The following POMT2 variants were observed in gnomAD, a reference collection of about 807,000 sequenced individuals.
POMT2 encodes the protein protein O-mannosyltransferase 2.
POMT2 carries 75 observed loss-of-function variants against 100.0 expected under a neutral mutation model. That is an observed-to-expected ratio of 0.75 (90% CI 0.62 to 0.91). POMT2 has a LOEUF of 0.91. POMT2 is among the 40% of genes least tolerant of loss of function. The pLI, the probability that POMT2 is intolerant of heterozygous loss-of-function variation, is 0.00. For synonymous variants in POMT2, 378 were observed against 374.1 expected, an observed-to-expected ratio of 1.01 and a Z score of -0.12; for missense variants, 940 against 955.1, an observed-to-expected ratio of 0.98 and a Z score of 0.21.
At chr14:77,310,188 A>C (rs1361530557) in intron 2 of POMT2, among the ~76,000 whole-genome samples, 2 of 152,210 alleles carry the variant, frequency 1.3e-5, no homozygotes, top group African/African-American at 4.8e-5. Flanking sequence ...TGGTAGTAAC[A>C]GATGTAGTCT....
At chr14:77,299,161 A>G (rs1473238064) in intron 7 of POMT2, among the ~76,000 whole-genome samples, 1 of 152,226 alleles carries the variant, frequency 6.6e-6, no homozygotes, top group Non-Finnish European at 1.5e-5. Context: ...ACTCACTCCT[A>G]CTGCACATCT....
At chr14:77,298,958 G>A (rs541006165) in intron 7 of POMT2, among the ~76,000 whole-genome samples, 187 bp from the exon 8 acceptor site, 12 of 152,352 alleles carry the variant, frequency 7.9e-5, no homozygotes, top group Middle Eastern at 6.8e-3. Context: ...CTAGCTGTGC[G>A]ACCTTGGGCA....
chr14:77,320,794 C>A lies in POMT2; in HGVS notation c.-113G>T. The A allele has an allele frequency of 6.9e-7, 1 of 1,455,634 alleles. No individual in the cohort carries two copies. The highest frequency in any genetic ancestry group is 2.6e-5 in the East Asian group (1 of 38,220). 90.2% of individuals were successfully genotyped at this position (1,455,634 alleles called of 1,614,324 possible). A position where few individuals can be genotyped will look rare whatever the true frequency, so the allele number is the denominator to read the frequency against. ...GGGGTACCCCGGGAAATGCAACGCC[C>A]TTCACTGCAGCGGAGCGCGGGGCCC... On this transcript the variant is annotated 5_prime_UTR_variant, in exon 1 of 21. The change creates a new upstream start codon in the 5' untranslated region. Coordinates refer to ENST00000261534, the MANE Select transcript of POMT2 (RefSeq NM_013382.7).
chr14:77,294,588 C>T (rs1244131032), intron 9 of POMT2, among the ~76,000 whole-genome samples: 7 of 152,120 alleles, frequency 4.6e-5, no homozygotes, highest in African/African-American at 7.2e-5. Flanking sequence ...CATAAGCCAC[C>T]GCACCTGGCC....
intron 5 of POMT2, among the ~76,000 whole-genome samples, chr14:77,302,074 G>A (rs1418785395): frequency 2.0e-5 from 3 of 152,334 alleles, no homozygotes; most frequent in South Asian, 2.1e-4. Context: ...AGAGTGGGCT[G>A]AGAGTCACTG....
intron 18 of POMT2, chr14:77,279,347 A>G (rs1239658181): frequency 2.7e-6 from 1 of 366,950 alleles, no homozygotes; most frequent in South Asian, 2.1e-5. Context: ...TCTGGCAGCC[A>G]AAGTTACCAA....
At chr14:77,278,959 G>A in intron 18 of POMT2, 90 bp from the exon 19 acceptor site, 1 of 1,473,844 alleles carries the variant, frequency 6.8e-7, no homozygotes, top group Non-Finnish European at 9.3e-7. Flanking sequence ...CTTGCTGTGT[G>A]ACCTTGAATA....
At chr14:77,280,148 G>A (rs555710180) in intron 16 of POMT2, 68 bp from the exon 17 acceptor site, 1 of 1,611,490 alleles carries the variant, frequency 6.2e-7, no homozygotes, top group East Asian at 2.2e-5. Flanking sequence ...TTAGGGGGAG[G>A]AAGATGGTCA....
intron 1 of POMT2, among the ~76,000 whole-genome samples, chr14:77,319,196 C>T (rs562162817): frequency 6.6e-6 from 1 of 152,260 alleles, no homozygotes; most frequent in South Asian, 2.1e-4. Context: ...AAATAAGATT[C>T]CTCGGTGCCC....
intron 15 of POMT2, among the ~76,000 whole-genome samples, chr14:77,282,447 C>G (rs1890270047): frequency 6.6e-6 from 1 of 152,210 alleles, no homozygotes. Flanking sequence ...GTTTTCATCT[C>G]TCTCCCCTCC....
intron 1 of POMT2, among the ~76,000 whole-genome samples, chr14:77,316,214 T>C (rs968941299): frequency 1.3e-5 from 2 of 152,146 alleles, no homozygotes; most frequent in Non-Finnish European, 2.9e-5. Context: ...GGCCTAGTAT[T>C]CCCACTTTGG....
At chr14:77,299,164 G>A (rs1023008368) in intron 7 of POMT2, among the ~76,000 whole-genome samples, 1 of 152,200 alleles carries the variant, frequency 6.6e-6, no homozygotes, top group African/African-American at 2.4e-5. Flanking sequence ...CACTCCTACT[G>A]CACATCTTAT....
Position 77,278,834 on chromosome 14 carries a change from C to T in POMT2, c.1927G>A (p.Val643Ile). The change falls in exon 19 of 21, where the codon GTC becomes ATC. Residue 643 changes from valine to isoleucine, a missense_variant. Coordinates refer to ENST00000261534, the MANE Select transcript of POMT2 (RefSeq NM_013382.7). ...TAATGGAGTGTCCAGCCGAGCAGGA[C>T]CTGGCCGCCTCCTCGAAGCAGGACC... Reference protein sequence around the residue: ...SQVLLRGGGQVLLGWTLHYFP... With the variant: ...SQVLLRGGGQILLGWTLHYFP... 1 of 1,613,538 alleles carries T rather than the reference C, an allele frequency of 6.2e-7. No homozygotes were observed. Among genetic ancestry groups the T allele is most frequent in the Non-Finnish European group, 8.5e-7 (1 of 1,179,822 alleles).
chr14:77,301,227 AC>A lies in POMT2; in HGVS notation c.678del (p.Trp226CysfsTer6), dbSNP rs755660222. On this transcript the variant is annotated frameshift_variant, in exon 6 of 21. Transcript: ENST00000261534. LOFTEE classifies it high-confidence loss of function. The part of the protein sequence containing the change: ...CADRPFSAPW[W>X]FWLSLTGVSL... ...CTAACGCCAGTCAGGCTGAGCCAGA[AC>A]CACCAGGGGGCAGAGAAGGGCCTGA... 1.2e-5 allele frequency: 19 copies of A among 1,614,174 alleles called. No homozygotes were observed. Among genetic ancestry groups the A allele is most frequent in the Non-Finnish European group, 1.5e-5 (18 of 1,180,028 alleles).
chr14:77,296,745 T>C (rs1303559230), intron 8 of POMT2, among the ~76,000 whole-genome samples: 1 of 152,198 alleles, frequency 6.6e-6, no homozygotes, highest in Admixed American at 6.5e-5. Context: ...TTACTCTGAA[T>C]TAAAAAACAA....
At chr14:77,280,287 G>GC (rs1890167916) in intron 16 of POMT2, 105 bp downstream of exon 16, 2 of 1,574,270 alleles carry the variant, frequency 1.3e-6, no homozygotes, top group Non-Finnish European at 1.7e-6. Flanking sequence ...ATCCCAGGAG[G>GC]CCCCTCGCCC....
At chr14:77,284,126 G>T (rs1890331657) in intron 14 of POMT2, 4 of 506,448 alleles carry the variant, frequency 7.9e-6, no homozygotes, top group Non-Finnish European at 1.4e-5. Context: ...ACAGCTCCCA[G>T]CACCATTGCT....
At position 77,320,422 on chromosome 14, in the gene POMT2, C is replaced by A; in HGVS notation, c.248+12G>T. The stretch of plus-strand genomic sequence containing the variant: ...TTGCCATGGTGCCCGCCGAGTCCCT[C>A]CCATCACTCACCAGATGTGCGGCGG... On this transcript the variant is annotated intron_variant, in intron 1 of 20. Coordinates refer to ENST00000261534, the MANE Select transcript of POMT2 (RefSeq NM_013382.7). 1.9e-6 allele frequency: 3 copies of A among 1,546,406 alleles called. No homozygotes were observed. Among genetic ancestry groups the A allele is most frequent in the Non-Finnish European group, 2.6e-6 (3 of 1,146,850 alleles).
chr14:77,290,461 G>T (rs773674460), intron 10 of POMT2, among the ~76,000 whole-genome samples: 3 of 152,234 alleles, frequency 2.0e-5, no homozygotes, highest in Non-Finnish European at 4.4e-5. Context: ...GGTGGATTTA[G>T]GTGAGCAGCT....
Sources: allele counts gnomAD v4.1 joint callset (sites outside exome capture counted in the v4.1 genomes callset), GRCh38; gene constraint gnomAD v4.1.1; transcripts MANE v1.5; gene names NCBI Gene and HGNC (gene_info 2026-07-23, HGNC 2026-07-21).